The following SRGAP2B variants were observed in gnomAD, a reference collection of about 807,000 sequenced individuals.
SRGAP2B encodes the protein SLIT-ROBO Rho GTPase activating protein 2B.
In SRGAP2B, 9 loss-of-function variants were observed where a neutral mutation model predicts 22.2. That is an observed-to-expected ratio of 0.41 (90% CI 0.24 to 0.71). The LOEUF is 0.71. SRGAP2B is among the 30% of genes least tolerant of loss of function. The pLI is 0.35. For missense variants in SRGAP2B, 114 were observed against 235.8 expected, an observed-to-expected ratio of 0.48 and a Z score of 3.38; for synonymous variants, 36 against 87.4, an observed-to-expected ratio of 0.41 and a Z score of 3.28.
chr1:144,942,658 G>T (rs1468670427), intron 4 of SRGAP2B, among the ~76,000 whole-genome samples: 5 of 150,538 alleles, frequency 3.3e-5, no homozygotes, highest in Non-Finnish European at 5.9e-5. Flanking sequence ...GACCTCAGGT[G>T]ATCCACCTGC....
At chr1:145,090,119 C>A (rs1162612417) in intron 2 of SRGAP2B, among the ~76,000 whole-genome samples, 2 of 146,898 alleles carry the variant, frequency 1.4e-5, no homozygotes, top group Non-Finnish European at 3.0e-5. Flanking sequence ...AGAAGTCTGG[C>A]AGCACCATGA....
At chr1:144,960,204 T>A (rs1667564689) in intron 3 of SRGAP2B, among the ~76,000 whole-genome samples, 1 of 130,370 alleles carries the variant, frequency 7.7e-6, no homozygotes, top group African/African-American at 3.1e-5. Flanking sequence ...AGGGTCTGCA[T>A]CCCTTAGGAA....
intron 4 of SRGAP2B, among the ~76,000 whole-genome samples, chr1:144,921,269 C>CAAAA (rs3975927): frequency 8.0e-5 from 5 of 62,306 alleles, no homozygotes; most frequent in Non-Finnish European, 1.1e-4. Context: ...TCTAGCTTGC[C>CAAAA]AAAAAAAAAA....
At chr1:144,992,405 T>C (rs1256710816) in intron 3 of SRGAP2B, among the ~76,000 whole-genome samples, 1 of 150,904 alleles carries the variant, frequency 6.6e-6, no homozygotes, top group Admixed American at 6.6e-5. Flanking sequence ...GAGAATATGA[T>C]ACAGTACTAA....
intron 1 of SRGAP2B, 102 bp downstream of exon 1, chr1:145,095,102 CTAAGGCGATGCCGCGAGCA>C: frequency 1.0e-6 from 1 of 1,000,108 alleles, no homozygotes; most frequent in Non-Finnish European, 1.3e-6. Flanking sequence ...GGCGGCACCG[CTAAGGCGATGCCGCGAGCA>C]GCATCCGCGC....
chr1:144,954,731 G>A (rs1303311575), intron 4 of SRGAP2B, among the ~76,000 whole-genome samples: 1 of 150,638 alleles, frequency 6.6e-6, no homozygotes, highest in Non-Finnish European at 1.5e-5. Flanking sequence ...GGGTCCTTAA[G>A]ATTATCATGA....
chr1:145,030,337 C>G (rs1648131343), intron 2 of SRGAP2B, among the ~76,000 whole-genome samples: 1 of 149,764 alleles, frequency 6.7e-6, no homozygotes, highest in African/African-American at 2.5e-5. Flanking sequence ...AGTCTTATAT[C>G]TATCTTAAAA....
intron 2 of SRGAP2B, among the ~76,000 whole-genome samples, chr1:145,022,100 G>A (rs1409509630): frequency 7.1e-6 from 1 of 140,074 alleles, no homozygotes; most frequent in Non-Finnish European, 1.5e-5. Context: ...AGAGTTCCCA[G>A]CCTAAGGAAA....
intron 2 of SRGAP2B, among the ~76,000 whole-genome samples, chr1:144,997,516 T>G (rs1670789171): frequency 6.7e-6 from 1 of 149,578 alleles, no homozygotes; most frequent in Admixed American, 6.6e-5. Flanking sequence ...GTACAGGGGA[T>G]ATGGATGGGC....
chr1:144,998,944 C>A (rs1441634693), intron 2 of SRGAP2B, among the ~76,000 whole-genome samples: 1 of 150,992 alleles, frequency 6.6e-6, no homozygotes, highest in East Asian at 1.9e-4. Flanking sequence ...CACTCCTGGG[C>A]CATGTGCCCA....
intron 2 of SRGAP2B, among the ~76,000 whole-genome samples, chr1:145,006,919 A>T (rs1471887801): frequency 6.6e-6 from 1 of 150,840 alleles, no homozygotes; most frequent in Non-Finnish European, 1.5e-5. Context: ...CCGCATTCAG[A>T]AAAACTTGAA....
intron 3 of SRGAP2B, among the ~76,000 whole-genome samples, chr1:144,993,086 G>C (rs1192172271): frequency 6.6e-6 from 1 of 151,172 alleles, no homozygotes; most frequent in Non-Finnish European, 1.5e-5. Context: ...AAGATGGAAA[G>C]ACTGACCACA....
At position 145,042,596 on chromosome 1, in the gene SRGAP2B, G is replaced by A. The variant is rs1391827463; in HGVS notation, c.68-47396C>T. On this transcript the variant is annotated intron_variant, in intron 2 of 9. Coordinates refer to ENST00000612199, the Ensembl canonical transcript of SRGAP2B. Reference sequence around the variant, plus strand: ...ACTCAAAATCAAAGGGAAATGAAAAGAGGGCAACCCGGAATTCATTACTCC... The same window carrying A: ...ACTCAAAATCAAAGGGAAATGAAAAAAGGGCAACCCGGAATTCATTACTCC... 3.6e-5 allele frequency among the ~76,000 whole-genome samples: 2 copies of A among 55,228 alleles called. 1 individual carries two copies. The highest frequency in any genetic ancestry group is 6.8e-5 in the Non-Finnish European group (2 of 29,590). 36.2% of individuals were successfully genotyped at this position (55,228 alleles called of 152,430 possible).
chr1:144,974,926 G>C (rs1270044060), intron 3 of SRGAP2B, among the ~76,000 whole-genome samples: 1 of 149,976 alleles, frequency 6.7e-6, no homozygotes, highest in Non-Finnish European at 1.5e-5. Flanking sequence ...ATGCAAAAGA[G>C]GTGATCAGGG....
chr1:144,985,441 T>C (rs1319371627), intron 3 of SRGAP2B, among the ~76,000 whole-genome samples: 1 of 150,364 alleles, frequency 6.7e-6, no homozygotes, highest in African/African-American at 2.5e-5. Context: ...AATGAGCTAT[T>C]AAAAGCAGGA....
intron 3 of SRGAP2B, among the ~76,000 whole-genome samples, chr1:144,990,717 T>C (rs1224086739): frequency 1.3e-5 from 2 of 150,898 alleles, no homozygotes; most frequent in Non-Finnish European, 2.9e-5. Flanking sequence ...CGGGTGGGCT[T>C]GGGCTTGGTG....
chr1:144,944,986 T>C (rs1199373470), intron 4 of SRGAP2B, among the ~76,000 whole-genome samples: 1 of 142,676 alleles, frequency 7.0e-6, no homozygotes, highest in Non-Finnish European at 1.5e-5. Context: ...TCTCAAACTC[T>C]TGACCTCAAG....
chr1:144,999,891 AAT>A (rs1245956943), intron 2 of SRGAP2B, among the ~76,000 whole-genome samples: 1 of 147,288 alleles, frequency 6.8e-6, no homozygotes, highest in Non-Finnish European at 1.5e-5. Context: ...CAACCTTGTG[AAT>A]ATGTTTAAAA....
Position 145,019,725 on chromosome 1 carries a change from G to T in SRGAP2B, c.68-24525C>A, listed in dbSNP as rs587633175. Among the ~76,000 whole-genome samples the T allele has an allele frequency of 9.0e-4, 116 of 129,510 alleles. 2 individuals carry two copies. The highest frequency in any genetic ancestry group is 3.4e-3 in the African/African-American group (110 of 32,590). The allele number at this position is 129,510 out of a possible 152,430, so 85.0% of individuals were successfully genotyped here. A position where few individuals can be genotyped will look rare whatever the true frequency, so the allele number is the denominator to read the frequency against. On this transcript the variant is annotated intron_variant, in intron 2 of 9. Coordinates refer to ENST00000612199, the Ensembl canonical transcript of SRGAP2B. ...CAGAAGACGATAAAGATGGAAAGTT[G>T]TAAGTCCTGAGAGATATAATTGATG...
Sources: allele counts gnomAD v4.1 joint callset (sites outside exome capture counted in the v4.1 genomes callset), GRCh38; gene constraint gnomAD v4.1.1; transcripts MANE v1.5; gene names NCBI Gene and HGNC (gene_info 2026-07-23, HGNC 2026-07-21).